The following RAPGEF4 variants were observed in gnomAD, a reference collection of about 807,000 sequenced individuals.
The protein encoded by RAPGEF4 is Rap guanine nucleotide exchange factor 4.
A neutral mutation model predicts 147.9 loss-of-function variants in RAPGEF4; 66 were observed. That is an observed-to-expected ratio of 0.45 (90% CI 0.37 to 0.55). The LOEUF is 0.55. Ranked by LOEUF, RAPGEF4 falls within the 20% of genes least tolerant of loss-of-function variation. The pLI is 0.00. For synonymous variants in RAPGEF4, 419 were observed against 442.7 expected (o/e 0.95, Z 0.67); for missense variants, 1,071 against 1,257.3 (o/e 0.85, Z 2.24).
intron 18 of RAPGEF4, among the ~76,000 whole-genome samples, chr2:173,015,008 T>G (rs1428722302): frequency 6.6e-6 from 1 of 152,230 alleles, no homozygotes; most frequent in Non-Finnish European, 1.5e-5. Flanking sequence ...GACCATTGAG[T>G]AGCCATGTCA....
intron 17 of RAPGEF4, among the ~76,000 whole-genome samples, chr2:173,007,406 G>A (rs1694590744): frequency 6.6e-6 from 1 of 152,168 alleles, no homozygotes; most frequent in Non-Finnish European, 1.5e-5. Context: ...ACAAACAAAG[G>A]AGCAGCCTGT....
intron 10 of RAPGEF4, among the ~76,000 whole-genome samples, chr2:172,978,430 T>C (rs1251601963): frequency 1.3e-5 from 2 of 152,060 alleles, no homozygotes; most frequent in Non-Finnish European, 2.9e-5. Context: ...GAGCCTGGGG[T>C]TTTCACACCC....
chr2:173,006,683 C>T (rs1694514045), intron 17 of RAPGEF4, among the ~76,000 whole-genome samples: 1 of 152,126 alleles, frequency 6.6e-6, no homozygotes, highest in African/African-American at 2.4e-5. Flanking sequence ...TATAAGTTGA[C>T]TTGGGTTTTA....
At chr2:172,911,575 C>T (rs1035769230) in intron 4 of RAPGEF4, among the ~76,000 whole-genome samples, 3 of 152,028 alleles carry the variant, frequency 2.0e-5, no homozygotes, top group Non-Finnish European at 4.4e-5. Context: ...TCTCCTGCCT[C>T]AGCCTCCCGA....
At chr2:172,747,421 A>G (rs552016725) in intron 1 of RAPGEF4, among the ~76,000 whole-genome samples, 1 of 152,308 alleles carries the variant, frequency 6.6e-6, no homozygotes, top group South Asian at 2.1e-4. Context: ...CTATGTTCAC[A>G]TTGTTGTATA....
At chr2:172,782,333 C>G (rs991174783) in intron 1 of RAPGEF4, among the ~76,000 whole-genome samples, 1 of 152,214 alleles carries the variant, frequency 6.6e-6, no homozygotes, top group Non-Finnish European at 1.5e-5. Flanking sequence ...CAGAGAATCA[C>G]TGTTCCAGGT....
At chr2:172,976,829 C>G (rs1350638424) in intron 10 of RAPGEF4, among the ~76,000 whole-genome samples, 1 of 152,242 alleles carries the variant, frequency 6.6e-6, no homozygotes, top group Non-Finnish European at 1.5e-5. Context: ...TTACCAGTAG[C>G]TTCCAATATC....
At chr2:172,853,548 T>TA (rs1359302564) in intron 4 of RAPGEF4, among the ~76,000 whole-genome samples, 4 of 151,928 alleles carry the variant, frequency 2.6e-5, no homozygotes, top group African/African-American at 9.7e-5. Context: ...ATTTCTGACT[T>TA]AAAAAAATTC....
At chr2:173,009,971 G>A (rs1694853482) in intron 17 of RAPGEF4, among the ~76,000 whole-genome samples, 1 of 152,184 alleles carries the variant, frequency 6.6e-6, no homozygotes. Flanking sequence ...AGAAAGTAAT[G>A]TTAACATCAG....
chr2:173,026,975 A>G (rs746488034), intron 24 of RAPGEF4, 106 bp from the exon 25 acceptor site: 23 of 1,039,954 alleles, frequency 2.2e-5, no homozygotes, highest in Non-Finnish European at 2.8e-5. Context: ...AGTCTGATTG[A>G]CTTCACATTT....
Position 172,967,413 on chromosome 2 carries a change from G to A in RAPGEF4, c.973G>A (p.Asp325Asn). The change falls in exon 10 of 31, where the codon GAC (aspartate) becomes AAC (asparagine). Residue 325 changes from aspartate to asparagine, a missense_variant. Transcript: ENST00000397081. The part of the protein sequence containing the change: ...TMLLLSQMGP[D>N]AHMRMILRKP... ...GCTGCTGCTGTCACAGATGGGCCCC[G>A]ACGCCCACATGAGGATGATCCTTCG... is the stretch of plus-strand genomic sequence containing the variant. 2 of 1,611,728 alleles carry A rather than the reference G, an allele frequency of 1.2e-6. No individual in the cohort carries two copies. The highest frequency in any genetic ancestry group is 2.2e-5 in the East Asian group (1 of 44,874).
intron 21 of RAPGEF4, among the ~76,000 whole-genome samples, chr2:173,018,015 A>T (rs1395707764): frequency 6.6e-6 from 1 of 152,236 alleles, no homozygotes; most frequent in East Asian, 1.9e-4. Flanking sequence ...TAAAAATTTC[A>T]TTTAAAGCTA....
At chr2:172,797,648 T>C in intron 3 of RAPGEF4, 35 bp downstream of exon 3, 1 of 1,488,470 alleles carries the variant, frequency 6.7e-7, no homozygotes, top group Non-Finnish European at 9.3e-7. Flanking sequence ...GTAGGATTTA[T>C]TTTTTTTAAA....
intron 4 of RAPGEF4, among the ~76,000 whole-genome samples, chr2:172,905,160 A>C (rs1383071423): frequency 6.6e-6 from 1 of 151,924 alleles, no homozygotes; most frequent in African/African-American, 2.4e-5. Context: ...CTGACTCCCA[A>C]ATCTGAATTT....
intron 4 of RAPGEF4, among the ~76,000 whole-genome samples, chr2:172,902,041 T>C (rs544229656): frequency 2.6e-4 from 40 of 152,096 alleles, no homozygotes; most frequent in African/African-American, 9.6e-4. Flanking sequence ...ATATTTAAGC[T>C]CAGGTGAGGA....
intron 17 of RAPGEF4, among the ~76,000 whole-genome samples, chr2:173,011,028 G>A (rs906020677): frequency 6.6e-6 from 1 of 152,172 alleles, no homozygotes; most frequent in African/African-American, 2.4e-5. Context: ...AAGGGAGAAA[G>A]CCTTTCCCAG....
intron 10 of RAPGEF4, among the ~76,000 whole-genome samples, chr2:172,974,526 A>G (rs147551614): frequency 0.022 from 3,358 of 152,248 alleles, 115 homozygotes; most frequent in African/African-American, 0.076. Context: ...TCTACAAAAA[A>G]TACAAAAATC....
chr2:172,898,026 C>T (rs1698698830), intron 4 of RAPGEF4, among the ~76,000 whole-genome samples: 1 of 152,106 alleles, frequency 6.6e-6, no homozygotes, highest in Admixed American at 6.6e-5. Context: ...GGGTTGCAGG[C>T]TGCAGGCTGA....
At position 172,798,650 on chromosome 2, in the gene RAPGEF4, T is replaced by C. The variant is rs10177251; in HGVS notation, c.297+1037T>C. On this transcript the variant is annotated intron_variant, in intron 3 of 30. Coordinates refer to ENST00000397081, the MANE Select transcript of RAPGEF4 (RefSeq NM_007023.4). ...AGGCAATGTTTTGGAGGCTTTTTCA[T>C]AGGTAGCACACTTCAAATGTGAGAA... Among the ~76,000 whole-genome samples, 1,023 of 152,186 alleles carry C rather than the reference T, an allele frequency of 6.7e-3. 40 individuals carry two copies. Among genetic ancestry groups the C allele is most frequent in the African/African-American group, 0.021 (866 of 41,486 alleles).
Sources: allele counts gnomAD v4.1 joint callset (sites outside exome capture counted in the v4.1 genomes callset), GRCh38; gene constraint gnomAD v4.1.1; transcripts MANE v1.5; gene names NCBI Gene and HGNC (gene_info 2026-07-23, HGNC 2026-07-21).